PRKN: variants seen among roughly 807,000 people sequenced by gnomAD.
PRKN encodes parkin RBR E3 ubiquitin protein ligase.
PRKN carries 56 observed loss-of-function variants against 59.5 expected under a neutral mutation model. That is an observed-to-expected ratio of 0.94 (90% CI 0.76 to 1.18). PRKN has a LOEUF of 1.18. Among genes scored for constraint, PRKN ranks in the 50% most tolerant of loss-of-function variants. The probability of loss-of-function intolerance (pLI) is 0.00; values close to 1 mark genes in which losing one functional copy is unlikely to be tolerated. For missense variants in PRKN, 657 were observed against 596.4 expected (o/e 1.10, Z -1.06); for synonymous variants, 250 against 222.1 (o/e 1.13, Z -1.12).
chr6:162,044,983 C>A (rs938874242), intron 5 of PRKN, among the ~76,000 whole-genome samples: 1 of 152,134 alleles, frequency 6.6e-6, no homozygotes, highest in Non-Finnish European at 1.5e-5. Context: ...TAAAAATCAT[C>A]GTTTGCCTAC....
chr6:161,890,056 C>T (rs1016964053), intron 6 of PRKN, among the ~76,000 whole-genome samples: 1 of 152,136 alleles, frequency 6.6e-6, no homozygotes, highest in African/African-American at 2.4e-5. Flanking sequence ...GAACAGGTCT[C>T]GTATCAGCTC....
intron 1 of PRKN, among the ~76,000 whole-genome samples, chr6:162,635,937 C>A (rs1291732432): frequency 6.6e-6 from 1 of 152,054 alleles, no homozygotes; most frequent in Non-Finnish European, 1.5e-5. Flanking sequence ...AAATGAAAAC[C>A]ATTATGGCAT....
chr6:161,994,934 A>T (rs930785992), intron 5 of PRKN, among the ~76,000 whole-genome samples: 3 of 152,050 alleles, frequency 2.0e-5, no homozygotes, highest in Non-Finnish European at 2.9e-5. Context: ...GAAAAAAAAA[A>T]AACAGTCCTA....
At chr6:161,967,137 G>C (rs1047660702) in intron 6 of PRKN, among the ~76,000 whole-genome samples, 46 of 152,282 alleles carry the variant, frequency 3.0e-4, no homozygotes, top group African/African-American at 1.1e-3. Context: ...GCCTAAGAAA[G>C]AGTAAAATAT....
At chr6:162,416,146 A>G (rs1303539277) in intron 2 of PRKN, among the ~76,000 whole-genome samples, 1 of 152,156 alleles carries the variant, frequency 6.6e-6, no homozygotes. Context: ...CTTGGTTTCC[A>G]TTTATACCAC....
At chr6:162,377,196 G>A (rs1178909052) in intron 2 of PRKN, among the ~76,000 whole-genome samples, 1 of 152,164 alleles carries the variant, frequency 6.6e-6, no homozygotes, top group East Asian at 1.9e-4. Context: ...TTTCTGCTCC[G>A]AGTAACTTGG....
intron 1 of PRKN, among the ~76,000 whole-genome samples, chr6:162,470,775 G>T (rs1421189865): frequency 1.3e-5 from 2 of 151,768 alleles, no homozygotes; most frequent in African/African-American, 2.4e-5. Context: ...TTGTTTTTTT[G>T]AGATGGAGTC....
Position 162,201,237 on chromosome 6 carries a change from T to C in PRKN, c.428A>G (p.Tyr143Cys), listed in dbSNP as rs778798543. 6.2e-6 allele frequency: 10 copies of C among 1,613,930 alleles called. No homozygotes were observed. In the South Asian group the frequency reaches 9.9e-5, roughly 16 times the overall value. Residue 143 changes from tyrosine to cysteine, a missense_variant, in exon 4 of 12, where the codon TAC becomes TGC. Physicochemically the swap from Tyr to Cys is radical, Grantham distance 194. Transcript: ENST00000366898. ...TTTGCAATACACATAAAAGCTGTTG[T>C]AGATTGATCTACCTGCTGGAGAAGA... ...PAGSPAGRSI[Y>C]NSFYVYCKGP... is the part of the protein sequence containing the mutation.
intron 6 of PRKN, among the ~76,000 whole-genome samples, chr6:161,821,237 T>C (rs984997177): frequency 1.3e-5 from 2 of 152,092 alleles, no homozygotes; most frequent in African/African-American, 4.8e-5. Flanking sequence ...GATATCAGTC[T>C]GAAGCATAGG....
At chr6:161,912,750 A>G (rs1056931492) in intron 6 of PRKN, among the ~76,000 whole-genome samples, 4 of 152,172 alleles carry the variant, frequency 2.6e-5, no homozygotes, top group Non-Finnish European at 5.9e-5. Flanking sequence ...CAGACACCTA[A>G]GCAGATGAGG....
rs183153708 is a variant in PRKN at position 162,414,430 on chromosome 6, G to A, written c.171+28880C>T. 3.7e-3 allele frequency among the ~76,000 whole-genome samples: 560 copies of A among 151,918 alleles called. 4 individuals are homozygous for A. The highest frequency in any genetic ancestry group is 0.013 in the African/African-American group (527 of 41,426). ...AAGATTAGAAAGTAGTGAATCTGCC[G>A]GGCGTGGTGGCTCACACCTGTAATC... is the stretch of plus-strand genomic sequence containing the variant. On this transcript the variant is annotated intron_variant, in intron 2 of 11. Transcript: ENST00000366898.
chr6:161,381,064 A>G (rs1785960777), intron 10 of PRKN, among the ~76,000 whole-genome samples: 1 of 152,240 alleles, frequency 6.6e-6, no homozygotes, highest in African/African-American at 2.4e-5. Flanking sequence ...TAGGAAAAGC[A>G]GAAGAAAATG....
intron 7 of PRKN, among the ~76,000 whole-genome samples, chr6:161,636,111 G>A (rs1783506972): frequency 6.6e-6 from 1 of 152,218 alleles, no homozygotes; most frequent in African/African-American, 2.4e-5. Context: ...TGTGCTGAGG[G>A]CAGCACAGAG....
Position 162,046,334 on chromosome 6 carries a change from G to T in PRKN, c.618+7757C>A, listed in dbSNP as rs191725203. On this transcript the variant is annotated intron_variant, in intron 5 of 11. Transcript: ENST00000366898. ...ATGTTGTAGTAATATGCATGATTTT[G>T]TTCTACTGCACATAAAGTGCGATAC... Among the ~76,000 whole-genome samples the T allele has an allele frequency of 1.2e-3, 187 of 152,326 alleles. 2 individuals carry two copies. Among genetic ancestry groups the T allele is most frequent in the African/African-American group, 4.3e-3 (177 of 41,576 alleles).
chr6:161,945,147 A>C (rs1166880542), intron 6 of PRKN, among the ~76,000 whole-genome samples: 1 of 152,148 alleles, frequency 6.6e-6, no homozygotes, highest in Non-Finnish European at 1.5e-5. Context: ...AAATGGAGAG[A>C]AAGCCTTAGT....
At chr6:162,718,107 T>C (rs1778796539) in intron 1 of PRKN, among the ~76,000 whole-genome samples, 1 of 152,190 alleles carries the variant, frequency 6.6e-6, no homozygotes, top group Non-Finnish European at 1.5e-5. Flanking sequence ...ACATTAACAC[T>C]TTTTAAAAAA....
At chr6:161,590,242 C>G (rs1000909637) in intron 7 of PRKN, among the ~76,000 whole-genome samples, 5 of 152,196 alleles carry the variant, frequency 3.3e-5, no homozygotes, top group African/African-American at 1.2e-4. Context: ...AGTAATGGGA[C>G]AAGCTGACAC....
At chr6:162,522,284 C>T (rs1278105445) in intron 1 of PRKN, among the ~76,000 whole-genome samples, 3 of 152,098 alleles carry the variant, frequency 2.0e-5, no homozygotes, top group Non-Finnish European at 2.9e-5. Flanking sequence ...CAACCATGCC[C>T]GGCTAATTTT....
intron 6 of PRKN, among the ~76,000 whole-genome samples, chr6:161,932,364 A>G (rs1051377155): frequency 1.3e-5 from 2 of 152,186 alleles, no homozygotes; most frequent in African/African-American, 4.8e-5. Flanking sequence ...TATATCAACT[A>G]TAATTATGTT....
Sources: allele counts gnomAD v4.1 joint callset (sites outside exome capture counted in the v4.1 genomes callset), GRCh38; gene constraint gnomAD v4.1.1; transcripts MANE v1.5; gene names NCBI Gene and HGNC (gene_info 2026-07-23, HGNC 2026-07-21).